The following SYNE2 variants were observed in gnomAD, a reference collection of about 807,000 sequenced individuals.
SYNE2 encodes nesprin-2.
Under a neutral mutation model 856.3 loss-of-function variants are expected in SYNE2, and 431 were observed. The ratio of observed to expected loss-of-function variants is 0.50; its 90% CI spans 0.47 to 0.55. The LOEUF (loss-of-function observed/expected upper bound fraction) is 0.55. Among genes scored for constraint, SYNE2 ranks in the 20% least tolerant of loss-of-function variants. The pLI is 0.00. For synonymous variants in SYNE2, 2,923 were observed against 2,872.3 expected, an observed-to-expected ratio of 1.02 and a Z score of -0.56; for missense variants, 8,129 against 8,023.2, an observed-to-expected ratio of 1.01 and a Z score of -0.50.
intron 2 of SYNE2, among the ~76,000 whole-genome samples, chr14:63,909,683 A>C (rs952679252): frequency 6.6e-6 from 1 of 152,196 alleles, no homozygotes; most frequent in African/African-American, 2.4e-5. Context: ...CTCTACTAAA[A>C]ATACAAAATT....
intron 38 of SYNE2, 141 bp from the exon 39 acceptor site, chr14:64,024,116 A>G (rs948223235): frequency 1.4e-5 from 10 of 712,742 alleles, no homozygotes; most frequent in Middle Eastern, 3.6e-4. Context: ...GGAGATAGCC[A>G]CATCTCCATC....
intron 1 of SYNE2, among the ~76,000 whole-genome samples, chr14:63,900,221 G>T (rs1036032810): frequency 6.6e-6 from 1 of 152,224 alleles, no homozygotes; most frequent in African/African-American, 2.4e-5. Flanking sequence ...GTGGCATCAT[G>T]ATTTGAGAAT....
In SYNE2 at chr14:64,026,648, G is replaced by A. The variant is rs777977677; in HGVS notation, c.6322G>A (p.Glu2108Lys). ...CATCATGAAGCAGGCTGAGAGCAGC[G>A]AGGCCCCGCTGGTTCAGAAGACCCT... ...ETIMKQAESS[E>K]APLVQKTLTD... The change falls in exon 42 of 116, where the codon GAG becomes AAG. Residue 2108 changes from glutamate to lysine, a missense_variant. Around this residue, in one of 3 missense-constraint regions of SYNE2, gnomAD observed 297 missense variants for 380.9 expected, o/e 0.78. Transcript: ENST00000555002. 7 of 1,613,602 alleles carry A rather than the reference G, an allele frequency of 4.3e-6. No individual in the cohort carries two copies. The highest frequency in any genetic ancestry group is 1.3e-5 in the African/African-American group (1 of 75,014).
In SYNE2 at chr14:64,120,044, A is replaced by G. The variant is rs1427712262; in HGVS notation, c.13023+435A>G. On this transcript the variant is annotated intron_variant, in intron 67 of 115. Coordinates refer to ENST00000555002, the MANE Select transcript of SYNE2 (RefSeq NM_182914.3). ...GTTATTCATTTGCAAGTATTTATAT[A>G]TATAATCAAAGTATCATATAAAGTG... 2.0e-5 allele frequency among the ~76,000 whole-genome samples: 3 copies of G among 152,232 alleles called. No individual in the cohort carries two copies. In the East Asian group the frequency reaches 5.8e-4, roughly 29 times the overall value.
At chr14:64,090,205 C>T (rs1160378317) in intron 59 of SYNE2, among the ~76,000 whole-genome samples, 2 of 152,192 alleles carry the variant, frequency 1.3e-5, no homozygotes, top group African/African-American at 4.8e-5. Context: ...CCAGCTCTGC[C>T]TCTTACAGAC....
intron 1 of SYNE2, among the ~76,000 whole-genome samples, chr14:63,862,045 T>C (rs945034060): frequency 2.0e-5 from 3 of 152,232 alleles, no homozygotes; most frequent in Admixed American, 6.5e-5. Flanking sequence ...CTGGATTATT[T>C]TGAAGCAAAT....
chr14:64,126,851 T>TA, intron 73 of SYNE2, 44 bp downstream of exon 73: 1 of 1,590,102 alleles, frequency 6.3e-7, no homozygotes, highest in Non-Finnish European at 8.6e-7. Flanking sequence ...TGTTTTAAGT[T>TA]ACAGCATGAA....
chr14:64,133,292 G>A (rs2098044558), intron 77 of SYNE2, among the ~76,000 whole-genome samples: 1 of 152,030 alleles, frequency 6.6e-6, no homozygotes, highest in African/African-American at 2.4e-5. Context: ...TTATTTTCTA[G>A]TTAGTGTGTC....
At chr14:64,038,387 C>T (rs904024923) in intron 45 of SYNE2, among the ~76,000 whole-genome samples, 1 of 151,688 alleles carries the variant, frequency 6.6e-6, no homozygotes. Flanking sequence ...GGCTCCTCAC[C>T]TCCCAGACGA....
At position 64,130,187 on chromosome 14, in the gene SYNE2, A is replaced by G. The variant is rs1006840235; in HGVS notation, c.14279A>G (p.His4760Arg). The G allele has an allele frequency of 5.0e-6, 8 of 1,614,114 alleles. No individual in the cohort carries two copies. In the East Asian group the frequency reaches 1.8e-4, roughly 36 times the overall value. Residue 4760 changes from histidine to arginine, a missense_variant, in exon 76 of 116, where the codon CAT (histidine) becomes CGT (arginine). This residue lies in a region of SYNE2 where 5,410 missense variants were observed against 5,284.8 expected (regional missense o/e 1.02). Coordinates refer to ENST00000555002, the MANE Select transcript of SYNE2 (RefSeq NM_182914.3). ...AAGATTGGGAAGGAAAAGCTTGCTC[A>G]TGGCCACTTAAAACAAACCAAAAGT... ...LVKIGKEKLA[H>R]GHLKQTKSKV...
In SYNE2 at chr14:63,832,449, T is replaced by C. The variant is rs892816182; in HGVS notation, c.-304-20052T>C. Among the ~76,000 whole-genome samples, 3 of 151,976 alleles carry C rather than the reference T, an allele frequency of 2.0e-5. No homozygotes were observed. In the East Asian group the frequency reaches 5.9e-4, roughly 30 times the overall value. On this transcript the variant is annotated intron_variant, in intron 1 of 23. Transcript: ENST00000674003. The stretch of plus-strand genomic sequence containing the variant: ...AGCCACCATTCCCGGCCTTAGCCAG[T>C]ATTTCTAATTCTGTAATTCCTCTAA...
chr14:63,973,515 C>T (rs1420301307), intron 11 of SYNE2, among the ~76,000 whole-genome samples: 2 of 150,680 alleles, frequency 1.3e-5, no homozygotes, highest in African/African-American at 4.9e-5. Context: ...GCCTGTAATC[C>T]CAGCAACTGG....
At chr14:63,774,806 T>C (rs1389774947) in intron 1 of SYNE2, among the ~76,000 whole-genome samples, 1 of 152,212 alleles carries the variant, frequency 6.6e-6, no homozygotes, top group African/African-American at 2.4e-5. Context: ...ATAAATTGCA[T>C]GGCTTAAACA....
In SYNE2 at chr14:64,167,381, G is replaced by T; in HGVS notation, c.16754G>T (p.Arg5585Leu). 1 of 1,614,212 alleles carries T rather than the reference G, an allele frequency of 6.2e-7. No individual in the cohort carries two copies. Among genetic ancestry groups the T allele is most frequent in the Non-Finnish European group, 8.5e-7 (1 of 1,180,046 alleles). Residue 5585 changes from arginine (R) to leucine (L), a missense_variant, in exon 91 of 116, where the codon CGC becomes CTC. Physicochemically the swap from Arg to Leu is moderately radical, Grantham distance 102. Coordinates refer to ENST00000555002, the MANE Select transcript of SYNE2 (RefSeq NM_182914.3). ...WIRATATALE[R>L]CSELQGIGLN... ...CGGGCCACGGCCACGGCACTGGAGC[G>T]CTGCAGGTTAGAACATCCCTTCTCT... is the stretch of plus-strand genomic sequence containing the variant.
chr14:64,085,628 C>G (rs8009808), intron 57 of SYNE2, among the ~76,000 whole-genome samples: 2,130 of 152,270 alleles, frequency 0.014, 57 homozygotes, highest in African/African-American at 0.049. Flanking sequence ...ATTTTTCTTT[C>G]CCACCAGCAA....
chr14:63,768,675 G>C (rs1886779810), intron 1 of SYNE2, among the ~76,000 whole-genome samples: 1 of 152,170 alleles, frequency 6.6e-6, no homozygotes. Context: ...CCTGTAGCCT[G>C]TCCGTATTGT....
rs369118498 is a variant in SYNE2, at chr14:64,024,364, T to C, written c.5745T>C (p.Ser1915=). ...LPKAHVKELI[S]WLVGQEFELE... is the part of the protein sequence containing the mutation. ...AAGCACATGTGAAGGAGCTTATCAG[T>C]TGGCTCGTGGGTCAGGAATTCGAAT... Residue 1915 remains serine (S), a synonymous_variant, in exon 39 of 116, where the codon AGT becomes AGC. Coordinates refer to ENST00000555002, the MANE Select transcript of SYNE2 (RefSeq NM_182914.3). 1.2e-6 allele frequency: 2 copies of C among 1,614,088 alleles called. No individual in the cohort carries two copies. Among genetic ancestry groups the C allele is most frequent in the Non-Finnish European group, 1.7e-6 (2 of 1,180,026 alleles).
intron 12 of SYNE2, among the ~76,000 whole-genome samples, chr14:63,977,225 T>C (rs1402708060): frequency 6.6e-6 from 1 of 152,160 alleles, no homozygotes; most frequent in Non-Finnish European, 1.5e-5. Context: ...TGAAAATTTT[T>C]TTTTTGAGAC....
At chr14:63,855,544 C>T (rs973622654) in intron 1 of SYNE2, among the ~76,000 whole-genome samples, 1 of 152,160 alleles carries the variant, frequency 6.6e-6, no homozygotes, top group Non-Finnish European at 1.5e-5. Context: ...GACCCCCTGT[C>T]CCTAGCTCCC....
Sources: allele counts gnomAD v4.1 joint callset (sites outside exome capture counted in the v4.1 genomes callset), GRCh38; gene constraint gnomAD v4.1.1; regional missense constraint gnomAD v4.1.1; transcripts MANE v1.5; gene names NCBI Gene and HGNC (gene_info 2026-07-23, HGNC 2026-07-21).